The following ARHGAP6 variants were observed in gnomAD, a reference collection of about 807,000 sequenced individuals.
ARHGAP6 encodes rho GTPase-activating protein 6.
A neutral mutation model predicts 55.7 loss-of-function variants in ARHGAP6; 16 were observed. That is an observed-to-expected ratio of 0.29 (90% confidence interval 0.19 to 0.44). The LOEUF (loss-of-function observed/expected upper bound fraction) is 0.44. ARHGAP6 is among the 20% of genes least tolerant of loss of function. The pLI, the probability that ARHGAP6 is intolerant of heterozygous loss-of-function variation, is 1.00. For synonymous variants in ARHGAP6, 382 were observed against 360.9 expected, an observed-to-expected ratio of 1.06 and a Z score of -0.66; for missense variants, 698 against 808.9, an observed-to-expected ratio of 0.86 and a Z score of 1.66.
chrX:11,416,246 A>G (rs1043887057), intron 1 of ARHGAP6, among the ~76,000 whole-genome samples: 14 of 111,572 alleles, frequency 1.3e-4, no homozygotes, highest in African/African-American at 4.2e-4. Context: ...TGGGTGATAC[A>G]AAGTATCTGC....
At chrX:11,483,334 C>T (rs1433919034) in intron 1 of ARHGAP6, among the ~76,000 whole-genome samples, 1 of 112,014 alleles carries the variant, frequency 8.9e-6, no homozygotes, top group Non-Finnish European at 1.9e-5. Context: ...CGCTTCTTGC[C>T]AATAATTGGT....
At chrX:11,176,268 C>T (rs1286241127) in intron 8 of ARHGAP6, among the ~76,000 whole-genome samples, 112 of 21,806 alleles carry the variant, frequency 5.1e-3, no homozygotes, top group East Asian at 0.013. Flanking sequence ...TATATATTTG[C>T]ATATATTTAT....
At chrX:11,550,719 T>TG (rs1432486876) in intron 1 of ARHGAP6, among the ~76,000 whole-genome samples, 2 of 112,210 alleles carry the variant, frequency 1.8e-5, no homozygotes, top group Admixed American at 1.9e-4. Context: ...GGAAGATCAT[T>TG]GGAATAACTG....
chrX:11,417,880 GGAT>G (rs771418881), intron 1 of ARHGAP6, among the ~76,000 whole-genome samples: 1 of 111,381 alleles, frequency 9.0e-6, no homozygotes, highest in African/African-American at 3.3e-5. Flanking sequence ...TTTTAAATGA[GGAT>G]AATAGGACCT....
chrX:11,180,434 C>T (rs1243334714), intron 6 of ARHGAP6, among the ~76,000 whole-genome samples: 1 of 110,359 alleles, frequency 9.1e-6, no homozygotes, highest in Non-Finnish European at 1.9e-5. Context: ...ACAAAATACA[C>T]TAGTGAGTAA....
intron 1 of ARHGAP6, among the ~76,000 whole-genome samples, chrX:11,640,868 G>C (rs896078025): frequency 4.5e-5 from 5 of 111,446 alleles, no homozygotes; most frequent in Non-Finnish European, 9.5e-5. Flanking sequence ...GAATTGGCAG[G>C]CATCCTTATA....
chrX:11,477,177 A>T (rs1007419274), intron 1 of ARHGAP6, among the ~76,000 whole-genome samples: 47 of 108,193 alleles, frequency 4.3e-4, no homozygotes, highest in African/African-American at 1.5e-3. Context: ...AAAAAAAACA[A>T]TTTTTCAAGC....
At chrX:11,363,178 C>T (rs955602197) in intron 1 of ARHGAP6, among the ~76,000 whole-genome samples, 2 of 112,217 alleles carry the variant, frequency 1.8e-5, no homozygotes, top group Non-Finnish European at 3.8e-5. Flanking sequence ...CCTAATGGAG[C>T]CACAGTATGC....
chrX:11,651,626 A>G (rs1376141201), intron 1 of ARHGAP6, among the ~76,000 whole-genome samples: 1 of 111,840 alleles, frequency 8.9e-6, no homozygotes, highest in Non-Finnish European at 1.9e-5. Flanking sequence ...TTTATAAAAG[A>G]AAGACTTATA....
At chrX:11,606,687 A>G (rs1453804327) in intron 1 of ARHGAP6, among the ~76,000 whole-genome samples, 3 of 111,902 alleles carry the variant, frequency 2.7e-5, no homozygotes, top group African/African-American at 6.5e-5. Flanking sequence ...TTCTTAAATT[A>G]CTTTTGGGTC....
At chrX:11,182,942 T>A (rs1027470274) in intron 5 of ARHGAP6, among the ~76,000 whole-genome samples, 2 of 111,615 alleles carry the variant, frequency 1.8e-5, no homozygotes, top group African/African-American at 6.5e-5. Flanking sequence ...AAATCCAGCC[T>A]TTTCTACATG....
intron 1 of ARHGAP6, among the ~76,000 whole-genome samples, chrX:11,415,034 CA>C (rs1453874318): frequency 9.0e-6 from 1 of 111,694 alleles, no homozygotes; most frequent in Non-Finnish European, 1.9e-5. Flanking sequence ...GTTCTCACCA[CA>C]AAAAATAAGT....
intron 1 of ARHGAP6, among the ~76,000 whole-genome samples, chrX:11,532,762 C>T (rs1168387379): frequency 2.7e-5 from 3 of 112,561 alleles, no homozygotes; most frequent in Non-Finnish European, 5.6e-5. Flanking sequence ...CAGCTGCTTT[C>T]ACACTACAAA....
chrX:11,483,028 C>T (rs762323529), intron 1 of ARHGAP6, among the ~76,000 whole-genome samples: 1 of 111,780 alleles, frequency 8.9e-6, no homozygotes, highest in Non-Finnish European at 1.9e-5. Context: ...CTGACCAATC[C>T]TTTTCCTGTT....
At chrX:11,200,155 T>G (rs1177035230) in intron 2 of ARHGAP6, among the ~76,000 whole-genome samples, 1 of 112,748 alleles carries the variant, frequency 8.9e-6, no homozygotes, top group Non-Finnish European at 1.9e-5. Context: ...CTACCAATAC[T>G]GCACAGAAGT....
At chrX:11,647,915 G>A (rs1402555838) in intron 1 of ARHGAP6, among the ~76,000 whole-genome samples, 1 of 111,986 alleles carries the variant, frequency 8.9e-6, no homozygotes, top group Non-Finnish European at 1.9e-5. Flanking sequence ...AGACAGATTG[G>A]AGGAGACCAA....
chrX:11,611,090 T>C (rs771198966), intron 1 of ARHGAP6, among the ~76,000 whole-genome samples: 1 of 112,950 alleles, frequency 8.9e-6, no homozygotes, highest in Non-Finnish European at 1.9e-5. Context: ...ACTTGAGTTG[T>C]TTCTATTATT....
chrX:11,642,301 A>T (rs1234541358), intron 1 of ARHGAP6, among the ~76,000 whole-genome samples: 1 of 111,674 alleles, frequency 9.0e-6, no homozygotes, highest in Non-Finnish European at 1.9e-5. Flanking sequence ...ATGATTACTC[A>T]TAACATGTCC....
intron 1 of ARHGAP6, among the ~76,000 whole-genome samples, chrX:11,456,230 G>A (rs780410329): frequency 8.9e-6 from 1 of 111,834 alleles, no homozygotes; most frequent in East Asian, 2.8e-4. Context: ...TAAAATGAGA[G>A]AAATAACATG....
Sources: allele counts gnomAD v4.1 joint callset (sites outside exome capture counted in the v4.1 genomes callset), GRCh38; gene constraint gnomAD v4.1.1; transcripts MANE v1.5; gene names NCBI Gene and HGNC (gene_info 2026-07-23, HGNC 2026-07-21).